The following MAP4 variants were observed in gnomAD, a reference collection of about 807,000 sequenced individuals.
MAP4 encodes microtubule associated protein 4.
MAP4 carries 76 observed loss-of-function variants against 170.2 expected under a neutral mutation model. The ratio of observed to expected loss-of-function variants is 0.45; its 90% CI spans 0.37 to 0.54. The LOEUF is 0.54. Ranked by LOEUF, MAP4 falls within the 20% of genes least tolerant of loss-of-function variation. The pLI is 0.00. For missense variants in MAP4, 2,506 were observed against 2,748.0 expected (o/e 0.91, Z 1.97); for synonymous variants, 909 against 994.5 (o/e 0.91, Z 1.62).
In MAP4 at chr3:47,852,879, G is replaced by A. The variant is rs1480831742; in HGVS notation, c.*55C>T. On this transcript the variant is annotated 3_prime_UTR_variant, in exon 21 of 21. Coordinates refer to ENST00000683076, the MANE Select transcript of MAP4 (RefSeq NM_001385682.1). ...AGTGTGGGGGGCGGGAGACAATGTC[G>A]GCCCCGTGGTCGGTGCGGGCCCTGG... 10 of 1,585,722 alleles carry A rather than the reference G, an allele frequency of 6.3e-6. No homozygotes were observed. In the Admixed American group the frequency reaches 7.3e-5, roughly 12 times the overall value.
intron 1 of MAP4, among the ~76,000 whole-genome samples, chr3:47,999,420 AG>A (rs1320263377): frequency 1.3e-5 from 2 of 152,118 alleles, no homozygotes; most frequent in Non-Finnish European, 2.9e-5. Flanking sequence ...CAATTAGCTA[AG>A]GGAGATGGTC....
Position 47,911,459 on chromosome 3 carries a change from CT to C in MAP4, c.2961del (p.Glu988LysfsTer8), listed in dbSNP as rs2100035920. 6.5e-7 allele frequency: 1 copy of C among 1,535,928 alleles called. No homozygotes were observed. Among genetic ancestry groups the C allele is most frequent in the East Asian group, 2.4e-5 (1 of 40,932 alleles). On this transcript the variant is annotated frameshift_variant, in exon 9 of 21. Coordinates refer to ENST00000683076, the MANE Select transcript of MAP4 (RefSeq NM_001385682.1). LOFTEE classifies it high-confidence loss of function. This position sits in a 1 kb window ranked among gnomAD's most constrained non-coding sequence, Gnocchi z 4.0. Reference protein sequence around the residue: ...IASNPLECNLKEGNNESKMTK... With the variant: ...IASNPLECNLXEGNNESKMTK... ...GTCATTTTACTTTCATTATTCCCTT[CT>C]TTTAGATTACATTCTAATGGATTAC...
chr3:47,991,279 T>C (rs2100092015), intron 2 of MAP4, among the ~76,000 whole-genome samples: 2 of 152,248 alleles, frequency 1.3e-5, no homozygotes, highest in Non-Finnish European at 2.9e-5. Flanking sequence ...AGTTCTATTA[T>C]GTGTAACCTA....
rs574031095 is a variant in MAP4, at chr3:48,010,828, C to A, written c.-20+5506G>T. Among the ~76,000 whole-genome samples, 46 of 152,226 alleles carry A rather than the reference C, an allele frequency of 3.0e-4. No homozygotes were observed. In the South Asian group the frequency reaches 9.6e-3, roughly 32 times the overall value. ...TGAAGAGATGGGCCTAGCCTCCCAG[C>A]CTATATCTTTCTCCCGTGCTGGATG... On this transcript the variant is annotated intron_variant, in intron 1 of 20. Transcript: ENST00000683076.
Position 47,871,181 on chromosome 3 carries a change from T to C in MAP4, c.6001+46A>G, listed in dbSNP as rs544845596. ...AGGGAGACTTAAGCCACAGAGGAGG[T>C]GGGGGTTCAAGTTAGGGCTCTACAA... On this transcript the variant is annotated intron_variant, in intron 14 of 20. Coordinates refer to ENST00000683076, the MANE Select transcript of MAP4 (RefSeq NM_001385682.1). 2.3e-4 allele frequency: 369 copies of C among 1,611,656 alleles called. 4 individuals carry two copies. In the South Asian group the frequency reaches 3.7e-3, roughly 16 times the overall value.
intron 5 of MAP4, among the ~76,000 whole-genome samples, chr3:47,919,500 G>A (rs1297454336): frequency 1.3e-5 from 2 of 150,564 alleles, no homozygotes; most frequent in African/African-American, 2.4e-5. Context: ...AATAGAGATG[G>A]GGTGTCACTA....
chr3:47,893,929 T>C (rs964151889), intron 10 of MAP4, among the ~76,000 whole-genome samples: 38 of 152,208 alleles, frequency 2.5e-4, no homozygotes, highest in African/African-American at 9.2e-4. Flanking sequence ...CTGTAGCCTC[T>C]GTCCCCAAGA....
At chr3:48,080,082 C>CA (rs1423443933) in intron 1 of MAP4, among the ~76,000 whole-genome samples, 1 of 152,016 alleles carries the variant, frequency 6.6e-6, no homozygotes, top group Non-Finnish European at 1.5e-5. Context: ...AAAGGTGGGA[C>CA]AAAATAACTG....
chr3:48,053,479 A>G (rs2100128975), intron 1 of MAP4, among the ~76,000 whole-genome samples: 1 of 152,246 alleles, frequency 6.6e-6, no homozygotes, highest in South Asian at 2.1e-4. Flanking sequence ...TATGGAAAAT[A>G]TGAACAAGAA....
chr3:48,030,031 A>G (rs535096752), intron 1 of MAP4, among the ~76,000 whole-genome samples: 1 of 147,684 alleles, frequency 6.8e-6, no homozygotes, highest in Admixed American at 6.8e-5. Context: ...TTATATATTC[A>G]TATGTAATAT....
intron 13 of MAP4, 119 bp from the exon 14 acceptor site, chr3:47,871,405 T>C: frequency 1.2e-6 from 1 of 849,780 alleles, no homozygotes; most frequent in East Asian, 2.6e-5. Flanking sequence ...AGCCAGGGAC[T>C]GTGTTAGTCC....
chr3:48,072,029 T>A (rs2100141275), intron 1 of MAP4, among the ~76,000 whole-genome samples: 1 of 151,810 alleles, frequency 6.6e-6, no homozygotes, highest in African/African-American at 2.4e-5. Flanking sequence ...GAGACCAGCC[T>A]GGCTACTAAA....
intron 10 of MAP4, among the ~76,000 whole-genome samples, chr3:47,896,239 A>C (rs1243356545): frequency 6.6e-6 from 1 of 152,236 alleles, no homozygotes; most frequent in Admixed American, 6.5e-5. Context: ...TTAAAAAAAC[A>C]ACCAAGAAGG....
At chr3:47,954,642 G>C (rs2100066589) in intron 3 of MAP4, among the ~76,000 whole-genome samples, 3 of 152,232 alleles carry the variant, frequency 2.0e-5, no homozygotes, top group Admixed American at 1.3e-4. Flanking sequence ...CCATTTACTA[G>C]AGTGACTACG....
In MAP4 at chr3:47,910,650, GC is replaced by G. The variant is rs1490421105; in HGVS notation, c.3770del (p.Ser1257ThrfsTer4). On this transcript the variant is annotated frameshift_variant, in exon 9 of 21. Coordinates refer to ENST00000683076, the MANE Select transcript of MAP4 (RefSeq NM_001385682.1). LOFTEE classifies it high-confidence loss of function. The stretch of plus-strand genomic sequence containing the variant: ...TGGGGAAAGTAAATCCTATTTCCTT[GC>G]TTTTATGGGGAATACTACCAGTATC... Reference protein sequence around the residue: ...DGDTGSIPHKSKEIGFTFPKM... With the variant: ...DGDTGSIPHKXKEIGFTFPKM... 3 of 1,536,060 alleles carry G rather than the reference GC, an allele frequency of 2.0e-6. No homozygotes were observed. The Admixed American group carries it at 5.9e-5, about 30-fold the overall frequency.
chr3:48,031,211 A>G (rs2100115933), intron 1 of MAP4, among the ~76,000 whole-genome samples: 1 of 152,158 alleles, frequency 6.6e-6, no homozygotes, highest in Non-Finnish European at 1.5e-5. Flanking sequence ...AGGAGTTCTG[A>G]CACCAACTTA....
In MAP4 at chr3:47,909,272, C is replaced by T; in HGVS notation, c.5149G>A (p.Ala1717Thr). The change falls in exon 9 of 21, where the codon GCT becomes ACT. Residue 1717 changes from alanine (A) to threonine (T), a missense_variant. Coordinates refer to ENST00000683076, the MANE Select transcript of MAP4 (RefSeq NM_001385682.1). ...EVADTLVIMT[A>T]SKGVRLPEPK... ...TCTGGGAGTCGAACACCCTTGGAAGCAGTCATTATTACTAACGTATCCGCC... is the reference window on the plus strand; with the variant it reads ...TCTGGGAGTCGAACACCCTTGGAAGTAGTCATTATTACTAACGTATCCGCC... 2 of 1,613,890 alleles carry T rather than the reference C, an allele frequency of 1.2e-6. No homozygotes were observed. The highest frequency in any genetic ancestry group is 1.7e-6 in the Non-Finnish European group (2 of 1,179,858).
At chr3:47,972,523 A>G (rs1578558383) in intron 3 of MAP4, among the ~76,000 whole-genome samples, 1 of 152,366 alleles carries the variant, frequency 6.6e-6, no homozygotes, top group South Asian at 2.1e-4. Flanking sequence ...ATGACATTAA[A>G]TATCAGTAGT....
chr3:48,018,950 T>C (rs2100109210), upstream of MAP4, among the ~76,000 whole-genome samples: 1 of 152,226 alleles, frequency 6.6e-6, no homozygotes, highest in Non-Finnish European at 1.5e-5. Context: ...CTGGTCATCT[T>C]ATCATTATTA....
Sources: allele counts gnomAD v4.1 joint callset (sites outside exome capture counted in the v4.1 genomes callset), GRCh38; gene constraint gnomAD v4.1.1; non-coding constraint Gnocchi (gnomAD v3.1); transcripts MANE v1.5; gene names NCBI Gene and HGNC (gene_info 2026-07-23, HGNC 2026-07-21).